Variants in SGCE observed in about 807,000 individuals in gnomAD.
The protein encoded by SGCE is epsilon-sarcoglycan.
Under a neutral mutation model 57.8 loss-of-function variants are expected in SGCE, and 26 were observed. That is an observed-to-expected ratio of 0.45 (90% CI 0.33 to 0.62). The LOEUF (loss-of-function observed/expected upper bound fraction) is 0.62, where lower values mean the gene tolerates loss of function less well. Among genes scored for constraint, SGCE ranks in the 20% least tolerant of loss-of-function variants. The pLI is 0.02. For synonymous variants in SGCE, 183 were observed against 189.5 expected (o/e 0.97, Z 0.28); for missense variants, 468 against 548.6 (o/e 0.85, Z 1.47).
chr7:94,629,422 A>C lies in SGCE; in HGVS notation c.232+297T>G, dbSNP rs894245035. The C allele has an allele frequency of 6.1e-5, 18 of 296,276 alleles. 1 individual carries two copies. The highest frequency in any genetic ancestry group is 1.0e-4 in the Non-Finnish European group (16 of 154,306). The allele number at this position is 296,276 out of a possible 1,614,324, so 18.4% of individuals were successfully genotyped here. A position where few individuals can be genotyped will look rare whatever the true frequency, so the allele number is the denominator to read the frequency against. ...GAGAATCTAGGTCTTAATATAGAAAATCATAAGTTTACAGCTATAATTATT... is the reference window on the plus strand; with the variant it reads ...GAGAATCTAGGTCTTAATATAGAAACTCATAAGTTTACAGCTATAATTATT... On this transcript the variant is annotated intron_variant, in intron 2 of 10. Transcript: ENST00000648936.
Position 94,635,448 on chromosome 7 carries a change from A to ACT in SGCE, c.110-5608_110-5607insAG, listed in dbSNP as rs1347938274. Among the ~76,000 whole-genome samples, 4 of 152,212 alleles carry ACT rather than the reference A, an allele frequency of 2.6e-5. No individual in the cohort carries two copies. In the East Asian group the frequency reaches 7.7e-4, roughly 29 times the overall value. ...CTAGGTATCATCATCCCTGATAATT[A>ACT]AAAATGTTAAGTACTGACAAAAAAT... On this transcript the variant is annotated intron_variant, in intron 1 of 10. Transcript: ENST00000648936.
At chr7:94,651,110 G>A (rs572737759) in intron 1 of SGCE, among the ~76,000 whole-genome samples, 6 of 152,034 alleles carry the variant, frequency 3.9e-5, no homozygotes, top group Admixed American at 2.0e-4. Context: ...ACCATATCAT[G>A]CCACTGGTTC....
rs549325941 is a variant in SGCE at position 94,605,312 on chromosome 7, TAA to T, written c.663-1862_663-1861del. On this transcript the variant is annotated intron_variant, in intron 5 of 10. Coordinates refer to ENST00000648936, the MANE Select transcript of SGCE (RefSeq NM_003919.3). Reference sequence around the variant, plus strand: ...TTCTTTTGAGAGATGGAAAATGATATAAGTCAGAAACTCAGATCTACATAAAG... The same window carrying T: ...TTCTTTTGAGAGATGGAAAATGATATGTCAGAAACTCAGATCTACATAAAG... 2.9e-3 allele frequency among the ~76,000 whole-genome samples: 430 copies of T among 150,186 alleles called. 2 individuals carry two copies. The highest frequency in any genetic ancestry group is 3.6e-3 in the Non-Finnish European group (244 of 67,328).
At chr7:94,638,003 T>A (rs1805829513) in intron 1 of SGCE, among the ~76,000 whole-genome samples, 1 of 152,174 alleles carries the variant, frequency 6.6e-6, no homozygotes, top group East Asian at 1.9e-4. Context: ...AAGAAGCCGA[T>A]GGCCCTCAGC....
intron 1 of SGCE, among the ~76,000 whole-genome samples, chr7:94,641,127 G>A (rs1235244681): frequency 2.0e-5 from 3 of 152,200 alleles, no homozygotes; most frequent in South Asian, 2.1e-4. Flanking sequence ...AGTAACATAA[G>A]CCAACAGAAG....
At chr7:94,604,858 T>TATATAA (rs1491355835) in intron 5 of SGCE, among the ~76,000 whole-genome samples, 52 of 75,206 alleles carry the variant, frequency 6.9e-4, no homozygotes, top group Non-Finnish European at 1.1e-3. Flanking sequence ...TATATATATA[T>TATATAA]AATAGTTGTT....
intron 1 of SGCE, among the ~76,000 whole-genome samples, chr7:94,631,657 C>T (rs1804748614): frequency 6.6e-6 from 1 of 151,580 alleles, no homozygotes; most frequent in Admixed American, 6.6e-5. Flanking sequence ...GGGGGCCTTT[C>T]GGGGAAGGGA....
chr7:94,609,038 C>A (rs1225835323), intron 5 of SGCE, among the ~76,000 whole-genome samples: 1 of 152,088 alleles, frequency 6.6e-6, no homozygotes, highest in Non-Finnish European at 1.5e-5. Flanking sequence ...ACCAAAGGCA[C>A]AATCCATGAA....
chr7:94,618,392 A>C (rs1422289503), intron 5 of SGCE: 1 of 178,802 alleles, frequency 5.6e-6, no homozygotes, highest in African/African-American at 2.4e-5. Flanking sequence ...ATAGTTTCCT[A>C]GAATAAAGTT....
intron 5 of SGCE, among the ~76,000 whole-genome samples, chr7:94,608,254 T>C (rs1202546688): frequency 6.6e-6 from 1 of 152,124 alleles, no homozygotes; most frequent in Non-Finnish European, 1.5e-5. Flanking sequence ...AGCCAGGGGT[T>C]GAACCCAGGA....
intron 5 of SGCE, among the ~76,000 whole-genome samples, chr7:94,614,968 A>G (rs866186204): frequency 2.6e-5 from 4 of 152,210 alleles, no homozygotes; most frequent in Admixed American, 2.6e-4. Context: ...CAGGTTTCCA[A>G]TTTTATTAAA....
intron 1 of SGCE, among the ~76,000 whole-genome samples, chr7:94,645,335 G>C (rs1205243464): frequency 2.6e-5 from 4 of 151,974 alleles, no homozygotes; most frequent in African/African-American, 9.7e-5. Flanking sequence ...TGCTACTACT[G>C]TGCAGTGGAA....
Position 94,645,328 on chromosome 7 carries a change from T to G in SGCE, c.109+10662A>C, listed in dbSNP as rs948683789. On this transcript the variant is annotated intron_variant, in intron 1 of 10. Transcript: ENST00000648936. ...AAAGTTCCCATCACCATTACTATGC[T>G]ACTACTGTGCAGTGGAAATTAATCT... is the stretch of plus-strand genomic sequence containing the variant. Among the ~76,000 whole-genome samples, 6 of 152,178 alleles carry G rather than the reference T, an allele frequency of 3.9e-5. No homozygotes were observed. The East Asian group carries it at 9.6e-4, about 24-fold the overall frequency.
chr7:94,587,189 T>A, intron 10 of SGCE: 1 of 985,336 alleles, frequency 1.0e-6, no homozygotes. Context: ...ATTGTCCTTG[T>A]ATTTGGAAGT....
intron 1 of SGCE, among the ~76,000 whole-genome samples, chr7:94,645,689 T>C (rs1377505467): frequency 1.3e-5 from 2 of 152,228 alleles, no homozygotes; most frequent in African/African-American, 2.4e-5. Flanking sequence ...AATGTTTCTG[T>C]GCCTCATCTG....
At position 94,600,722 on chromosome 7, in the gene SGCE, G is replaced by A. The variant is rs1562805321; in HGVS notation, c.961C>T (p.Leu321=). The change falls in exon 7 of 11, where the codon CTG becomes TTG. Residue 321 remains leucine (L), a synonymous_variant. Coordinates refer to ENST00000648936, the MANE Select transcript of SGCE (RefSeq NM_003919.3). ...AGTGCCACTGCCGAGGGCACAGCCA[G>A]TGTAATTAGGAAATCCGTGTAATAG... The part of the protein sequence containing the change: ...RDYYTDFLIT[L]AVPSAVALVL... The A allele has an allele frequency of 1.2e-6, 2 of 1,613,746 alleles. No homozygotes were observed. The highest frequency in any genetic ancestry group is 1.3e-5 in the African/African-American group (1 of 74,916).
At chr7:94,635,017 C>A (rs1805404996) in intron 1 of SGCE, among the ~76,000 whole-genome samples, 1 of 152,024 alleles carries the variant, frequency 6.6e-6, no homozygotes, top group Admixed American at 6.6e-5. Flanking sequence ...TGATATGTTG[C>A]CCTTAGTTAT....
At chr7:94,612,695 C>A (rs576316987) in intron 5 of SGCE, among the ~76,000 whole-genome samples, 100 of 152,202 alleles carry the variant, frequency 6.6e-4, no homozygotes, top group Non-Finnish European at 1.0e-3. Context: ...CACATACTGC[C>A]AAACTACTTT....
intron 3 of SGCE, chr7:94,625,358 T>C (rs1446903522): frequency 2.0e-5 from 3 of 151,870 alleles, no homozygotes; most frequent in Non-Finnish European, 4.4e-5. Flanking sequence ...ATGGTAAACT[T>C]TCTTTTTTTT....
Sources: gnomAD v4.1 joint callset for allele counts (sites outside exome capture counted in the v4.1 genomes callset) on GRCh38, gnomAD v4.1.1 for gene constraint, MANE v1.5 for transcripts, NCBI Gene and HGNC (gene_info 2026-07-23, HGNC 2026-07-21) for gene names.